SCLT1: variants seen among roughly 807,000 people sequenced by gnomAD.
The protein encoded by SCLT1 is sodium channel-associated protein 1.
A neutral mutation model predicts 112.8 loss-of-function variants in SCLT1; 78 were observed. The observed-to-expected ratio is 0.69, with a 90% CI of 0.58 to 0.83. The LOEUF (loss-of-function observed/expected upper bound fraction) is 0.83. Among genes scored for constraint, SCLT1 ranks in the 40% least tolerant of loss-of-function variants. The pLI, the probability that SCLT1 is intolerant of heterozygous loss-of-function variation, is 0.00. For synonymous variants in SCLT1, 257 were observed against 254.7 expected, an observed-to-expected ratio of 1.01 and a Z score of -0.09; for missense variants, 747 against 770.4, an observed-to-expected ratio of 0.97 and a Z score of 0.36.
chr4:128,898,049 C>G (rs1733933947), intron 18 of SCLT1, among the ~76,000 whole-genome samples: 1 of 152,136 alleles, frequency 6.6e-6, no homozygotes, highest in African/African-American at 2.4e-5. Context: ...TACAAAGAGA[C>G]TTAGACTCCC....
At chr4:128,900,839 CAACCCCATCA>C (rs1270033937) in intron 18 of SCLT1, among the ~76,000 whole-genome samples, 4 of 152,048 alleles carry the variant, frequency 2.6e-5, no homozygotes, top group Non-Finnish European at 5.9e-5. Context: ...AAGAAAAAAA[CAACCCCATCA>C]AAAAGTGGGT....
chr4:129,010,906 A>G (rs1006131052), intron 5 of SCLT1, among the ~76,000 whole-genome samples: 1 of 151,374 alleles, frequency 6.6e-6, no homozygotes, highest in African/African-American at 2.4e-5. Flanking sequence ...TATTTGGATT[A>G]CATTTCTTCC....
At chr4:129,014,618 C>A (rs1031866270) in intron 5 of SCLT1, among the ~76,000 whole-genome samples, 1 of 152,164 alleles carries the variant, frequency 6.6e-6, no homozygotes, top group Admixed American at 6.5e-5. Flanking sequence ...ATGCTCTAAC[C>A]CTGGGGATTT....
chr4:129,063,196 A>G (rs1326381373), intron 2 of SCLT1, among the ~76,000 whole-genome samples: 1 of 152,198 alleles, frequency 6.6e-6, no homozygotes, highest in Non-Finnish European at 1.5e-5. Flanking sequence ...CATTTCATTA[A>G]CTGTATTACG....
At chr4:128,921,995 C>T (rs997847548) in intron 18 of SCLT1, among the ~76,000 whole-genome samples, 1 of 152,034 alleles carries the variant, frequency 6.6e-6, no homozygotes, top group Non-Finnish European at 1.5e-5. Flanking sequence ...AGGACAAGAA[C>T]AGACACTTTC....
intron 18 of SCLT1, among the ~76,000 whole-genome samples, chr4:128,907,862 T>C (rs1185712553): frequency 6.6e-6 from 1 of 152,184 alleles, no homozygotes; most frequent in African/African-American, 2.4e-5. Context: ...TGTATCCATC[T>C]CTTTGAAAAC....
chr4:129,047,824 T>A (rs914251805), intron 2 of SCLT1, among the ~76,000 whole-genome samples: 36 of 152,234 alleles, frequency 2.4e-4, no homozygotes, highest in African/African-American at 7.0e-4. Flanking sequence ...GCTCCTTTTT[T>A]AATTAGATTC....
At chr4:129,058,207 T>A (rs75995589) in intron 2 of SCLT1, among the ~76,000 whole-genome samples, 1 of 152,204 alleles carries the variant, frequency 6.6e-6, no homozygotes, top group African/African-American at 2.4e-5. Context: ...ATTGGTTTTT[T>A]AGTGCCAATT....
At chr4:128,959,279 A>G (rs984560328) in intron 12 of SCLT1, among the ~76,000 whole-genome samples, 7 of 152,176 alleles carry the variant, frequency 4.6e-5, no homozygotes, top group African/African-American at 7.2e-5. Flanking sequence ...ACTGAATAAA[A>G]TATAGGGTAT....
chr4:129,052,692 T>C (rs1391967038), intron 2 of SCLT1, among the ~76,000 whole-genome samples: 1 of 152,152 alleles, frequency 6.6e-6, no homozygotes, highest in Non-Finnish European at 1.5e-5. Context: ...CCTAGACTTA[T>C]TAATTTTTTG....
At chr4:128,988,379 C>T (rs969742022) in intron 9 of SCLT1, among the ~76,000 whole-genome samples, 9 of 151,958 alleles carry the variant, frequency 5.9e-5, no homozygotes, top group Non-Finnish European at 1.2e-4. Context: ...ATTCTCTTTG[C>T]TTATTTTTCT....
At chr4:129,009,705 C>T (rs1744351283) in intron 5 of SCLT1, among the ~76,000 whole-genome samples, 1 of 152,010 alleles carries the variant, frequency 6.6e-6, no homozygotes, top group Non-Finnish European at 1.5e-5. Flanking sequence ...ATTTGCATTT[C>T]TCTAATTAAG....
intron 1 of SCLT1, among the ~76,000 whole-genome samples, chr4:129,088,979 C>CA (rs995127672): frequency 1.1e-4 from 17 of 151,986 alleles, no homozygotes; most frequent in African/African-American, 3.4e-4. Context: ...AAAGCAATGG[C>CA]AAAAAAAGCC....
intron 18 of SCLT1, among the ~76,000 whole-genome samples, chr4:128,908,822 C>T (rs1050434645): frequency 6.6e-6 from 1 of 152,166 alleles, no homozygotes; most frequent in Admixed American, 6.5e-5. Flanking sequence ...TCCTCTCTTT[C>T]TCAGAGGTGA....
At chr4:129,018,029 C>T (rs72924164) in intron 5 of SCLT1, among the ~76,000 whole-genome samples, 2,956 of 152,322 alleles carry the variant, frequency 0.019, 84 homozygotes, top group African/African-American at 0.061. Flanking sequence ...GATCCTGAGA[C>T]CAGAATGTTA....
At chr4:129,041,405 T>C (rs904352287) in intron 4 of SCLT1, among the ~76,000 whole-genome samples, 6 of 152,228 alleles carry the variant, frequency 3.9e-5, no homozygotes, top group African/African-American at 1.2e-4. Context: ...ACCTTGGAAA[T>C]GAAAGCCTAC....
chr4:128,909,810 G>C (rs1734953922), intron 18 of SCLT1, among the ~76,000 whole-genome samples: 1 of 152,196 alleles, frequency 6.6e-6, no homozygotes, highest in African/African-American at 2.4e-5. Context: ...GGAGCATAAA[G>C]AACTTGAAGG....
intron 5 of SCLT1, among the ~76,000 whole-genome samples, chr4:129,022,118 C>T (rs74336461): frequency 6.6e-6 from 1 of 152,118 alleles, no homozygotes; most frequent in Non-Finnish European, 1.5e-5. Flanking sequence ...AAGACCCCCC[C>T]ACAAAAAGCC....
intron 20 of SCLT1, 99 bp downstream of exon 20, chr4:128,888,580 T>C: frequency 4.8e-6 from 3 of 628,894 alleles, no homozygotes; most frequent in Non-Finnish European, 5.5e-6. Context: ...TTTTAAAATA[T>C]GTTAATCTAG....
Sources: allele counts gnomAD v4.1 joint callset (sites outside exome capture counted in the v4.1 genomes callset), GRCh38; gene constraint gnomAD v4.1.1; transcripts MANE v1.5; gene names NCBI Gene and HGNC (gene_info 2026-07-23, HGNC 2026-07-21).